FRMD5: variants seen among roughly 807,000 people sequenced by gnomAD.
FRMD5 encodes the protein FERM domain-containing protein 5.
In FRMD5, 20 loss-of-function variants were observed where a neutral mutation model predicts 69.0. The ratio of observed to expected loss-of-function variants is 0.29; its 90% CI spans 0.20 to 0.42. The LOEUF is 0.42. FRMD5 is among the 10% of genes least tolerant of loss of function. The probability of loss-of-function intolerance (pLI) is 1.00; values close to 1 mark genes in which losing one functional copy is unlikely to be tolerated. For missense variants in FRMD5, 595 were observed against 708.6 expected (o/e 0.84, Z 1.82); for synonymous variants, 271 against 260.1 (o/e 1.04, Z -0.40).
intron 13 of FRMD5, among the ~76,000 whole-genome samples, chr15:43,875,505 T>G (rs2088317964): frequency 6.6e-6 from 1 of 151,024 alleles, no homozygotes; most frequent in Non-Finnish European, 1.5e-5. Flanking sequence ...TGAGATGGAG[T>G]CTTACTCTGT....
At chr15:44,009,851 CCT>C (rs1255201437) in intron 1 of FRMD5, among the ~76,000 whole-genome samples, 3 of 152,050 alleles carry the variant, frequency 2.0e-5, no homozygotes, top group African/African-American at 7.3e-5. Flanking sequence ...CTTAAAGTTC[CCT>C]GTTTGGCTGT....
intron 1 of FRMD5, among the ~76,000 whole-genome samples, chr15:44,106,704 A>G (rs57575746): frequency 0.029 from 4,336 of 152,136 alleles, 173 homozygotes; most frequent in African/African-American, 0.089. Flanking sequence ...ACTGACTCCA[A>G]CTGTACTTAT....
chr15:44,171,758 T>C (rs1024091443), intron 1 of FRMD5, among the ~76,000 whole-genome samples: 2 of 152,132 alleles, frequency 1.3e-5, no homozygotes, highest in African/African-American at 4.8e-5. Context: ...AAAGTATGCC[T>C]TTGGTCAGTA....
intron 1 of FRMD5, among the ~76,000 whole-genome samples, chr15:44,101,143 C>T (rs1447726967): frequency 3.7e-5 from 5 of 136,108 alleles, no homozygotes; most frequent in Admixed American, 7.1e-5. Flanking sequence ...AGTGATACTC[C>T]ATCTCAAAAA....
chr15:43,888,348 C>T, intron 9 of FRMD5, 82 bp from the exon 10 acceptor site: 1 of 923,786 alleles, frequency 1.1e-6, no homozygotes, highest in Non-Finnish European at 1.7e-6. Flanking sequence ...GACCCCAGAG[C>T]TGTTAGAGGC....
intron 1 of FRMD5, among the ~76,000 whole-genome samples, chr15:44,133,240 A>AAAAC (rs2077130138): frequency 6.6e-6 from 1 of 151,440 alleles, no homozygotes; most frequent in African/African-American, 2.4e-5. Context: ...CAAAACAAAA[A>AAAAC]AATGATTAAA....
chr15:44,135,450 A>G (rs192997618), intron 1 of FRMD5, among the ~76,000 whole-genome samples: 24 of 152,304 alleles, frequency 1.6e-4, no homozygotes, highest in African/African-American at 5.8e-4. Flanking sequence ...TATAACATAG[A>G]CATGTTTTAT....
At chr15:43,989,295 T>C in intron 1 of FRMD5, 1 of 785,338 alleles carries the variant, frequency 1.3e-6, no homozygotes, top group Non-Finnish European at 2.3e-6. Context: ...CAGATAGCAC[T>C]GTGTTGGCAT....
chr15:43,965,786 G>T (rs1233831057), intron 1 of FRMD5, among the ~76,000 whole-genome samples: 1 of 151,740 alleles, frequency 6.6e-6, no homozygotes, highest in African/African-American at 2.4e-5. Context: ...TCTCCATGTT[G>T]TCAGGCTGGT....
chr15:43,979,078 C>G (rs1233804658), intron 1 of FRMD5, among the ~76,000 whole-genome samples: 3 of 151,950 alleles, frequency 2.0e-5, no homozygotes, highest in African/African-American at 4.8e-5. Context: ...TGGCTCATGT[C>G]TTTAATCTCA....
chr15:44,062,416 C>T (rs550481481), intron 1 of FRMD5, among the ~76,000 whole-genome samples: 36 of 152,186 alleles, frequency 2.4e-4, no homozygotes, highest in Middle Eastern at 3.4e-3. Context: ...ACAGGCTGGG[C>T]GCTGTGGCTC....
intron 1 of FRMD5, chr15:43,990,052 G>A (rs536349405): frequency 5.7e-5 from 42 of 742,592 alleles, no homozygotes; most frequent in East Asian, 2.6e-4. Context: ...CATGCCCACC[G>A]TCACGCCCTG....
intron 1 of FRMD5, among the ~76,000 whole-genome samples, chr15:44,026,344 T>G (rs1406748462): frequency 6.6e-6 from 1 of 152,238 alleles, no homozygotes; most frequent in Non-Finnish European, 1.5e-5. Context: ...AAAGTTCCAC[T>G]CATTACCCTC....
intron 1 of FRMD5, among the ~76,000 whole-genome samples, chr15:44,094,132 G>T (rs1250448470): frequency 6.6e-6 from 1 of 152,118 alleles, no homozygotes; most frequent in Non-Finnish European, 1.5e-5. Context: ...TGAGAGTTTG[G>T]AATTGAAATC....
chr15:44,072,097 C>T (rs551865730), intron 1 of FRMD5, among the ~76,000 whole-genome samples: 1 of 152,314 alleles, frequency 6.6e-6, no homozygotes, highest in Non-Finnish European at 1.5e-5. Context: ...AACTCTTGAC[C>T]TCAGGTGATC....
chr15:44,156,836 G>A (rs1177848600), intron 1 of FRMD5, among the ~76,000 whole-genome samples: 4 of 152,078 alleles, frequency 2.6e-5, no homozygotes, highest in Non-Finnish European at 5.9e-5. Context: ...GAAAACTGAG[G>A]CAGGAGGACT....
intron 1 of FRMD5, among the ~76,000 whole-genome samples, chr15:43,963,781 T>A (rs914566534): frequency 6.6e-6 from 1 of 152,070 alleles, no homozygotes; most frequent in Non-Finnish European, 1.5e-5. Context: ...CTGGAAACCA[T>A]CATTCTCAGC....
chr15:44,090,004 A>G (rs1457933434), intron 1 of FRMD5, among the ~76,000 whole-genome samples: 1 of 152,108 alleles, frequency 6.6e-6, no homozygotes, highest in East Asian at 1.9e-4. Context: ...AGCAGTGTAC[A>G]CCCTGCATGC....
chr15:44,196,155 G>A (rs2078293031), upstream of FRMD5, among the ~76,000 whole-genome samples: 1 of 152,084 alleles, frequency 6.6e-6, no homozygotes, highest in South Asian at 2.1e-4. Context: ...TTTGATGTGA[G>A]GAAATGTTAT....
Sources: gnomAD v4.1 joint callset for allele counts (sites outside exome capture counted in the v4.1 genomes callset) on GRCh38, gnomAD v4.1.1 for gene constraint, MANE v1.5 for transcripts, NCBI Gene and HGNC (gene_info 2026-07-23, HGNC 2026-07-21) for gene names.